Variants in MBD5 observed in about 807,000 individuals in gnomAD.
MBD5 encodes methyl-CpG binding domain protein 5.
A neutral mutation model predicts 117.3 loss-of-function variants in MBD5; 13 were observed. That is an observed-to-expected ratio of 0.11 (90% CI 0.07 to 0.18). The LOEUF (loss-of-function observed/expected upper bound fraction) is 0.18, where lower values mean the gene tolerates loss of function less well. Ranked by LOEUF, MBD5 falls within the 10% of genes least tolerant of loss-of-function variation. MBD5 has a pLI of 1.00. For missense variants in MBD5, 1,879 were observed against 2,093.8 expected (o/e 0.90, Z 2.00); for synonymous variants, 727 against 766.4 (o/e 0.95, Z 0.85).
At chr2:148,362,416 T>A (rs867352521) in intron 4 of MBD5, among the ~76,000 whole-genome samples, 1 of 152,154 alleles carries the variant, frequency 6.6e-6, no homozygotes, top group Non-Finnish European at 1.5e-5. Flanking sequence ...AAAGCCACTG[T>A]AGCCAGACTG....
intron 1 of MBD5, among the ~76,000 whole-genome samples, chr2:148,125,008 A>C (rs541637495): frequency 6.6e-6 from 1 of 151,394 alleles, no homozygotes; most frequent in Non-Finnish European, 1.5e-5. Flanking sequence ...ATATTTATTT[A>C]TATTGAGATA....
intron 1 of MBD5, among the ~76,000 whole-genome samples, chr2:148,076,564 TAGA>T (rs1327556558): frequency 1.3e-5 from 2 of 152,176 alleles, no homozygotes; most frequent in Non-Finnish European, 2.9e-5. Flanking sequence ...TGTTCCAGCT[TAGA>T]AGTCACACAT....
At chr2:148,375,202 A>G (rs1407915074) in intron 4 of MBD5, among the ~76,000 whole-genome samples, 1 of 152,210 alleles carries the variant, frequency 6.6e-6, no homozygotes, top group African/African-American at 2.4e-5. Context: ...ATAAAAAATA[A>G]TTTAGGAAAG....
rs117329612 is a variant in MBD5 at position 148,244,853 on chromosome 2, G to A, written c.-680+11458G>A. ...AGTAGTTGTCACAGGAGTGAGACAT[G>A]CGAGGTTTTTTTTCCTATGACCCAT... On this transcript the variant is annotated intron_variant, in intron 3 of 13. Transcript: ENST00000642680. Among the ~76,000 whole-genome samples, 70 of 152,282 alleles carry A rather than the reference G, an allele frequency of 4.6e-4. 2 individuals are homozygous for A. In the East Asian group the frequency reaches 0.013, roughly 29 times the overall value.
intron 4 of MBD5, among the ~76,000 whole-genome samples, chr2:148,450,130 T>C (rs1197692789): frequency 6.6e-6 from 1 of 152,192 alleles, no homozygotes; most frequent in African/African-American, 2.4e-5. Flanking sequence ...TTAATAGCTA[T>C]ATATGACTAA....
At chr2:148,401,916 A>G (rs574592682) in intron 4 of MBD5, among the ~76,000 whole-genome samples, 1 of 152,070 alleles carries the variant, frequency 6.6e-6, no homozygotes, top group South Asian at 2.1e-4. Flanking sequence ...AGTACTATTC[A>G]GGCATTTTGT....
chr2:148,291,353 A>C (rs2106428575), intron 3 of MBD5, among the ~76,000 whole-genome samples: 1 of 152,290 alleles, frequency 6.6e-6, no homozygotes, highest in East Asian at 1.9e-4. Context: ...CTTTGTATTC[A>C]CTTAAGTCTT....
At chr2:148,292,573 G>T (rs916656024) in intron 3 of MBD5, among the ~76,000 whole-genome samples, 1 of 152,038 alleles carries the variant, frequency 6.6e-6, no homozygotes, top group Non-Finnish European at 1.5e-5. Context: ...AATAACAAAT[G>T]CTAGCTAGGA....
At chr2:148,322,259 C>T (rs553891702) in intron 3 of MBD5, among the ~76,000 whole-genome samples, 1 of 152,158 alleles carries the variant, frequency 6.6e-6, no homozygotes, top group Non-Finnish European at 1.5e-5. Context: ...TACAACTAAG[C>T]TTTTAGCTTC....
At chr2:148,062,197 A>C (rs1169343248) in intron 1 of MBD5, 1 of 151,624 alleles carries the variant, frequency 6.6e-6, no homozygotes, top group Non-Finnish European at 1.5e-5. Flanking sequence ...ATGGATATAC[A>C]TACATGTATG....
At chr2:148,420,116 C>G (rs1443834550) in intron 4 of MBD5, among the ~76,000 whole-genome samples, 1 of 152,080 alleles carries the variant, frequency 6.6e-6, no homozygotes, top group East Asian at 1.9e-4. Flanking sequence ...AATTGTTTTT[C>G]CCCTTTATAT....
chr2:148,210,653 A>G (rs1190018699), intron 2 of MBD5, among the ~76,000 whole-genome samples: 1 of 152,052 alleles, frequency 6.6e-6, no homozygotes, highest in Non-Finnish European at 1.5e-5. Context: ...TTATAAATCA[A>G]AGTTTACCCA....
chr2:148,434,334 C>G (rs1461784145), intron 4 of MBD5, among the ~76,000 whole-genome samples: 2 of 151,846 alleles, frequency 1.3e-5, no homozygotes, highest in African/African-American at 4.8e-5. Context: ...ATTCTGGATT[C>G]GTTCGTATTT....
chr2:148,181,248 T>A lies in MBD5; in HGVS notation c.-831+2455T>A, dbSNP rs552263686. ...CTGCTACATGGTAATCCACAGTATATGGCAGCCATATTTTCACTACCCATT... is the reference window on the plus strand; with the variant it reads ...CTGCTACATGGTAATCCACAGTATAAGGCAGCCATATTTTCACTACCCATT... On this transcript the variant is annotated intron_variant, in intron 2 of 13. Coordinates refer to ENST00000642680, the MANE Select transcript of MBD5 (RefSeq NM_001378120.1). Among the ~76,000 whole-genome samples, 7 of 152,330 alleles carry A rather than the reference T, an allele frequency of 4.6e-5. No homozygotes were observed. The South Asian group carries it at 1.4e-3, about 32-fold the overall frequency.
At chr2:148,270,830 A>T (rs1156784387) in intron 3 of MBD5, among the ~76,000 whole-genome samples, 1 of 151,628 alleles carries the variant, frequency 6.6e-6, no homozygotes, top group Non-Finnish European at 1.5e-5. Flanking sequence ...CTCACCTTTC[A>T]TCTCTTCCTC....
intron 2 of MBD5, among the ~76,000 whole-genome samples, chr2:148,189,111 C>A (rs1698757807): frequency 6.9e-6 from 1 of 144,598 alleles, no homozygotes; most frequent in Non-Finnish European, 1.5e-5. Context: ...GTCCTACGCC[C>A]ACGGAATCTC....
At chr2:148,425,959 G>T (rs1012385128) in intron 4 of MBD5, among the ~76,000 whole-genome samples, 2 of 152,024 alleles carry the variant, frequency 1.3e-5, no homozygotes. Context: ...AAAGTCTCAG[G>T]ATACAAAATC....
Position 148,489,491 on chromosome 2 carries a change from G to C in MBD5, c.3859G>C (p.Asp1287His), listed in dbSNP as rs766224303. ...NPNTTLPPFQ[D>H]TPCELQPRID... ...AAACACTACACTTCCACCTTTTCAAGATACACCTTGTGAGTTGCAACCGAG... is the reference window on the plus strand; with the variant it reads ...AAACACTACACTTCCACCTTTTCAACATACACCTTGTGAGTTGCAACCGAG... Residue 1287 changes from aspartate (D) to histidine (H), a missense_variant, in exon 11 of 14, where the codon GAT (aspartate) becomes CAT (histidine). Coordinates refer to ENST00000642680, the MANE Select transcript of MBD5 (RefSeq NM_001378120.1). 6.8e-6 allele frequency: 11 copies of C among 1,614,078 alleles called. No homozygotes were observed. The highest frequency in any genetic ancestry group is 5.1e-6 in the Non-Finnish European group (6 of 1,180,056).
At chr2:148,223,544 A>T (rs1351578015) in intron 2 of MBD5, among the ~76,000 whole-genome samples, 1 of 152,122 alleles carries the variant, frequency 6.6e-6, no homozygotes, top group Non-Finnish European at 1.5e-5. Flanking sequence ...ATTTATTGGC[A>T]TATGGTTTCT....
Sources: allele counts gnomAD v4.1 joint callset (sites outside exome capture counted in the v4.1 genomes callset), GRCh38; gene constraint gnomAD v4.1.1; transcripts MANE v1.5; gene names NCBI Gene and HGNC (gene_info 2026-07-23, HGNC 2026-07-21).